The following ADAM23 variants were observed in gnomAD, a reference collection of about 807,000 sequenced individuals.
ADAM23 encodes disintegrin and metalloproteinase domain-containing protein 23.
ADAM23 carries 33 observed loss-of-function variants against 120.1 expected under a neutral mutation model. That is an observed-to-expected ratio of 0.27 (90% confidence interval 0.21 to 0.37). The LOEUF is 0.37. Ranked by LOEUF, ADAM23 falls within the 10% of genes least tolerant of loss-of-function variation. The probability of loss-of-function intolerance (pLI) is 1.00; values close to 1 mark genes in which losing one functional copy is unlikely to be tolerated. For synonymous variants in ADAM23, 367 were observed against 375.2 expected (o/e 0.98, Z 0.25); for missense variants, 862 against 1,058.2 (o/e 0.81, Z 2.57).
chr2:206,617,312 C>T (rs1249576729), intron 25 of ADAM23, among the ~76,000 whole-genome samples: 2 of 152,116 alleles, frequency 1.3e-5, no homozygotes, highest in Non-Finnish European at 2.9e-5. Flanking sequence ...GCAGAGTCTT[C>T]CTGTGATTTA....
At chr2:206,490,369 A>G (rs775683595) in intron 3 of ADAM23, among the ~76,000 whole-genome samples, 1 of 152,224 alleles carries the variant, frequency 6.6e-6, no homozygotes, top group Non-Finnish European at 1.5e-5. Context: ...TTGCTCACCT[A>G]TTGCAGTGAG....
At position 206,561,099 on chromosome 2, in the gene ADAM23, GT is replaced by G. The variant is rs1202418414; in HGVS notation, c.1170-25del. On this transcript the variant is annotated intron_variant, in intron 11 of 25. Coordinates refer to ENST00000264377, the MANE Select transcript of ADAM23 (RefSeq NM_003812.4). The stretch of plus-strand genomic sequence containing the variant: ...TATGAAATGATGGTCCACCACGTTG[GT>G]TTTCTGATAGCACTGCTTTTTCTTA... 4 of 1,609,900 alleles carry G rather than the reference GT, an allele frequency of 2.5e-6. No individual in the cohort carries two copies. The African/African-American group carries it at 5.3e-5, about 22-fold the overall frequency.
intron 9 of ADAM23, among the ~76,000 whole-genome samples, chr2:206,553,011 G>A (rs746144566): frequency 6.6e-6 from 1 of 151,932 alleles, no homozygotes; most frequent in Non-Finnish European, 1.5e-5. Flanking sequence ...GGTATGATAT[G>A]GTCATCAGTT....
At chr2:206,509,339 CAT>C (rs1486905233) in intron 3 of ADAM23, among the ~76,000 whole-genome samples, 8 of 152,240 alleles carry the variant, frequency 5.3e-5, no homozygotes, top group African/African-American at 1.9e-4. Context: ...ATAGTGTACA[CAT>C]ATGAGATTAT....
At chr2:206,510,305 C>T (rs747788997) in intron 3 of ADAM23, among the ~76,000 whole-genome samples, 1 of 152,066 alleles carries the variant, frequency 6.6e-6, no homozygotes, top group South Asian at 2.1e-4. Context: ...TATAACAAAA[C>T]ATATTACTTG....
intron 18 of ADAM23, among the ~76,000 whole-genome samples, chr2:206,580,280 T>C (rs989662581): frequency 6.6e-6 from 1 of 152,170 alleles, no homozygotes; most frequent in Non-Finnish European, 1.5e-5. Context: ...AGAGTGGGCA[T>C]CCTTGTCTTG....
At chr2:206,534,637 A>G (rs1242969469) in intron 4 of ADAM23, among the ~76,000 whole-genome samples, 1 of 152,208 alleles carries the variant, frequency 6.6e-6, no homozygotes, top group Non-Finnish European at 1.5e-5. Flanking sequence ...ACAAAACACT[A>G]TGAAAGTACT....
intron 2 of ADAM23, among the ~76,000 whole-genome samples, chr2:206,465,291 C>T (rs1695521445): frequency 6.6e-6 from 1 of 152,160 alleles, no homozygotes; most frequent in South Asian, 2.1e-4. Context: ...CCTCTGGCCT[C>T]AGCCTCCCGA....
chr2:206,469,389 G>A (rs1695607883), intron 2 of ADAM23, among the ~76,000 whole-genome samples: 1 of 152,070 alleles, frequency 6.6e-6, no homozygotes, highest in African/African-American at 2.4e-5. Context: ...CTCTGTAAGT[G>A]AGTCCTATTG....
intron 4 of ADAM23, among the ~76,000 whole-genome samples, chr2:206,534,481 C>CT (rs879312583): frequency 0.011 from 1,530 of 144,618 alleles, 23 homozygotes; most frequent in African/African-American, 0.034. Flanking sequence ...ACATAGTTAT[C>CT]TTTTTTTTTT....
intron 3 of ADAM23, among the ~76,000 whole-genome samples, chr2:206,528,017 CCT>C (rs1168004021): frequency 1.3e-5 from 2 of 152,160 alleles, no homozygotes; most frequent in African/African-American, 4.8e-5. Flanking sequence ...ATTAAAGTGA[CCT>C]TTATGAGATT....
intron 9 of ADAM23, among the ~76,000 whole-genome samples, chr2:206,551,210 A>G (rs540665137): frequency 6.6e-6 from 1 of 152,206 alleles, no homozygotes; most frequent in Admixed American, 6.5e-5. Flanking sequence ...GTTTGCTGAT[A>G]TCTGTGGTGT....
At position 206,443,725 on chromosome 2, in the gene ADAM23, C is replaced by CTGGGGGGCTGCTGCG; in HGVS notation, c.-142_-141insTGGGGGGCTGCTGCG. 4.0e-6 allele frequency: 1 copy of CTGGGGGGCTGCTGCG among 249,084 alleles called. No homozygotes were observed. The highest frequency in any genetic ancestry group is 6.3e-6 in the Non-Finnish European group (1 of 158,294). 15.4% of individuals were successfully genotyped at this position (249,084 alleles called of 1,614,324 possible). Reference sequence around the variant, plus strand: ...CGCCGCCCAGCCCCGAGCCCCGCGCCCCGTGCCCCGAGCCCGGAGCCCCCT... The same window carrying CTGGGGGGCTGCTGCG: ...CGCCGCCCAGCCCCGAGCCCCGCGCCTGGGGGGCTGCTGCGCCGTGCCCCGAGCCCGGAGCCCCCT... On this transcript the variant is annotated 5_prime_UTR_variant, in exon 1 of 26. Coordinates refer to ENST00000264377, the MANE Select transcript of ADAM23 (RefSeq NM_003812.4).
intron 3 of ADAM23, among the ~76,000 whole-genome samples, chr2:206,495,429 C>G (rs1223872661): frequency 6.6e-6 from 1 of 151,384 alleles, no homozygotes. Flanking sequence ...GAAATAAAAT[C>G]CTTTACAGAC....
chr2:206,484,027 G>A (rs1360641431), intron 3 of ADAM23, among the ~76,000 whole-genome samples: 2 of 152,168 alleles, frequency 1.3e-5, no homozygotes, highest in African/African-American at 4.8e-5. Flanking sequence ...TGATAAGAGT[G>A]GGAGGTTGAA....
chr2:206,574,540 C>T (rs1161585594), intron 18 of ADAM23, among the ~76,000 whole-genome samples: 9 of 151,926 alleles, frequency 5.9e-5, no homozygotes, highest in Non-Finnish European at 1.5e-5. Flanking sequence ...ACAGTACACT[C>T]ACATTGATGA....
intron 2 of ADAM23, among the ~76,000 whole-genome samples, chr2:206,479,420 C>T (rs1351210506): frequency 6.6e-6 from 1 of 152,114 alleles, no homozygotes; most frequent in African/African-American, 2.4e-5. Context: ...ATGAACTCAT[C>T]TCTACTGTAT....
intron 24 of ADAM23, among the ~76,000 whole-genome samples, chr2:206,604,473 T>C (rs1210252878): frequency 6.6e-6 from 1 of 152,026 alleles, no homozygotes; most frequent in African/African-American, 2.4e-5. Flanking sequence ...GGGGAAACAT[T>C]GCTGCCACCT....
intron 6 of ADAM23, among the ~76,000 whole-genome samples, 190 bp from the exon 7 acceptor site, chr2:206,547,239 G>T (rs1403040700): frequency 2.6e-5 from 4 of 152,022 alleles, no homozygotes; most frequent in Admixed American, 6.6e-5. Context: ...TCTAAACTGG[G>T]GCAATTAGAT....
Sources: allele counts gnomAD v4.1 joint callset (sites outside exome capture counted in the v4.1 genomes callset), GRCh38; gene constraint gnomAD v4.1.1; transcripts MANE v1.5; gene names NCBI Gene and HGNC (gene_info 2026-07-23, HGNC 2026-07-21).